The following THSD4 variants were observed in gnomAD, a reference collection of about 807,000 sequenced individuals.
The protein encoded by THSD4 is thrombospondin type-1 domain-containing protein 4.
In THSD4, 69 loss-of-function variants were observed where a neutral mutation model predicts 119.0. That is an observed-to-expected ratio of 0.58 (90% CI 0.48 to 0.71). THSD4 has a LOEUF of 0.71. Among genes scored for constraint, THSD4 ranks in the 30% least tolerant of loss-of-function variants. The pLI, the probability that THSD4 is intolerant of heterozygous loss-of-function variation, is 0.00. For synonymous variants in THSD4, 524 were observed against 540.4 expected, an observed-to-expected ratio of 0.97 and a Z score of 0.42; for missense variants, 1,393 against 1,391.1, an observed-to-expected ratio of 1.00 and a Z score of -0.02.
At chr15:71,312,566 T>C (rs35407497) in intron 6 of THSD4, among the ~76,000 whole-genome samples, 25,068 of 152,044 alleles carry the variant, frequency 0.16, 2,073 homozygotes, top group South Asian at 0.28. Flanking sequence ...AATAAATTTC[T>C]ATTATTTAAG....
At chr15:71,363,673 A>G (rs1860374629) in intron 6 of THSD4, among the ~76,000 whole-genome samples, 2 of 152,232 alleles carry the variant, frequency 1.3e-5, no homozygotes, top group Non-Finnish European at 2.9e-5. Context: ...TGATGTTACA[A>G]CTGGTTCAAA....
chr15:71,442,387 G>A (rs1290996136), intron 7 of THSD4, among the ~76,000 whole-genome samples: 3 of 150,854 alleles, frequency 2.0e-5, no homozygotes, highest in African/African-American at 7.3e-5. Flanking sequence ...TGGCCAACAT[G>A]GTGAAACCCT....
chr15:71,678,916 C>G (rs2051710902), intron 8 of THSD4, among the ~76,000 whole-genome samples: 7 of 152,126 alleles, frequency 4.6e-5, no homozygotes, highest in Admixed American at 4.6e-4. Context: ...ATTTGTTATG[C>G]TTTGGGGGCA....
At chr15:71,429,492 A>T (rs527826291) in intron 7 of THSD4, among the ~76,000 whole-genome samples, 1 of 152,332 alleles carries the variant, frequency 6.6e-6, no homozygotes, top group South Asian at 2.1e-4. Context: ...AGTTAAGTTA[A>T]TGAAAACTAA....
At chr15:71,230,454 C>T (rs573085652) in intron 4 of THSD4, among the ~76,000 whole-genome samples, 10 of 152,348 alleles carry the variant, frequency 6.6e-5, no homozygotes, top group South Asian at 4.1e-4. Flanking sequence ...GCAGTGCAGC[C>T]GTCACGGTAA....
At chr15:71,147,133 A>G (rs1046124058) in intron 2 of THSD4, among the ~76,000 whole-genome samples, 56 of 152,178 alleles carry the variant, frequency 3.7e-4, no homozygotes, top group African/African-American at 1.3e-3. Context: ...GGCTTTTCCA[A>G]CAGGGAATTC....
chr15:71,439,143 A>G (rs932034433), intron 7 of THSD4, among the ~76,000 whole-genome samples: 1 of 152,196 alleles, frequency 6.6e-6, no homozygotes, highest in African/African-American at 2.4e-5. Flanking sequence ...GGAAAAACAA[A>G]TCACTGCTCC....
intron 17 of THSD4, among the ~76,000 whole-genome samples, chr15:71,774,402 T>C (rs1421678639): frequency 6.6e-6 from 1 of 151,992 alleles, no homozygotes; most frequent in Non-Finnish European, 1.5e-5. Context: ...GGAGTCCATG[T>C]TTTTCCATAA....
At chr15:71,260,176 GT>G (rs1175456346) in intron 6 of THSD4, among the ~76,000 whole-genome samples, 2 of 152,166 alleles carry the variant, frequency 1.3e-5, no homozygotes, top group African/African-American at 2.4e-5. Flanking sequence ...TGTATTACAT[GT>G]GAATGCCTGC....
chr15:71,720,022 C>CTTTT (rs750020826), intron 8 of THSD4, among the ~76,000 whole-genome samples: 3 of 114,504 alleles, frequency 2.6e-5, no homozygotes, highest in South Asian at 3.0e-4. Flanking sequence ...ATAACATGTG[C>CTTTT]TTTTTTTTTT....
At chr15:71,407,913 C>T (rs547987114) in intron 6 of THSD4, among the ~76,000 whole-genome samples, 117 of 152,306 alleles carry the variant, frequency 7.7e-4, no homozygotes, top group African/African-American at 2.6e-3. Flanking sequence ...CTGCCAGTCC[C>T]AGGACCACAG....
At chr15:71,129,445 C>T (rs141743591) in intron 1 of THSD4, among the ~76,000 whole-genome samples, 5 of 152,236 alleles carry the variant, frequency 3.3e-5, no homozygotes, top group East Asian at 3.9e-4. Flanking sequence ...TGTAGGGCAT[C>T]GTAGCCATTG....
At chr15:71,726,004 C>T (rs1366643227) in intron 8 of THSD4, among the ~76,000 whole-genome samples, 2 of 151,976 alleles carry the variant, frequency 1.3e-5, no homozygotes, top group Non-Finnish European at 2.9e-5. Context: ...GGTCTGAAAC[C>T]CCCGACCTCA....
intron 7 of THSD4, among the ~76,000 whole-genome samples, chr15:71,609,304 T>A (rs1162898099): frequency 6.6e-6 from 1 of 152,192 alleles, no homozygotes; most frequent in Non-Finnish European, 1.5e-5. Flanking sequence ...CACTGTATAG[T>A]TCATCACTGT....
At chr15:71,474,852 C>A (rs2047634847) in intron 7 of THSD4, among the ~76,000 whole-genome samples, 1 of 152,182 alleles carries the variant, frequency 6.6e-6, no homozygotes, top group Admixed American at 6.5e-5. Flanking sequence ...TCTCTCTTCC[C>A]TTGACTCACT....
At chr15:71,153,381 C>G (rs1381854763) in intron 2 of THSD4, among the ~76,000 whole-genome samples, 1 of 152,210 alleles carries the variant, frequency 6.6e-6, no homozygotes, top group Admixed American at 6.5e-5. Flanking sequence ...GGCAGCCCCT[C>G]TCTTTGGAAT....
intron 7 of THSD4, among the ~76,000 whole-genome samples, chr15:71,466,307 T>G (rs1396358036): frequency 2.0e-5 from 3 of 149,254 alleles, no homozygotes; most frequent in African/African-American, 7.5e-5. Context: ...ATTGCACCAC[T>G]GCACTCCAGC....
intron 7 of THSD4, among the ~76,000 whole-genome samples, chr15:71,549,276 T>C (rs1276511404): frequency 1.3e-5 from 2 of 152,220 alleles, no homozygotes; most frequent in Admixed American, 1.3e-4. Context: ...TTTGTTCCAC[T>C]CTGCTTTGCT....
intron 7 of THSD4, among the ~76,000 whole-genome samples, chr15:71,622,067 T>G (rs1226719885): frequency 6.6e-6 from 1 of 152,200 alleles, no homozygotes. Flanking sequence ...AGGAGCTGTT[T>G]AGAAAGCAAT....
Sources: allele counts gnomAD v4.1 joint callset (sites outside exome capture counted in the v4.1 genomes callset), GRCh38; gene constraint gnomAD v4.1.1; transcripts MANE v1.5; gene names NCBI Gene and HGNC (gene_info 2026-07-23, HGNC 2026-07-21).